Variants in BCAR3 observed in about 807,000 individuals in gnomAD.
The protein encoded by BCAR3 is breast cancer anti-estrogen resistance protein 3.
Under a neutral mutation model 80.1 loss-of-function variants are expected in BCAR3, and 37 were observed. The observed-to-expected ratio is 0.46, with a 90% CI of 0.36 to 0.61. BCAR3 has a LOEUF of 0.61. BCAR3 is among the 20% of genes least tolerant of loss of function. The pLI is 0.00. For synonymous variants in BCAR3, 389 were observed against 418.9 expected (o/e 0.93, Z 0.87); for missense variants, 978 against 1,068.2 (o/e 0.92, Z 1.18).
At chr1:93,772,107 T>A (rs1652375653) in intron 2 of BCAR3, among the ~76,000 whole-genome samples, 2 of 152,146 alleles carry the variant, frequency 1.3e-5, no homozygotes, top group African/African-American at 4.8e-5. Context: ...GGGTCATGGA[T>A]CAGTGGAGTA....
chr1:93,728,376 G>A (rs1650666333), intron 2 of BCAR3, among the ~76,000 whole-genome samples: 1 of 152,212 alleles, frequency 6.6e-6, no homozygotes, highest in South Asian at 2.1e-4. Context: ...GCCCCAGTGG[G>A]CGTGTGTTAC....
intron 9 of BCAR3, among the ~76,000 whole-genome samples, chr1:93,568,690 A>G (rs1673075126): frequency 6.6e-6 from 1 of 152,214 alleles, no homozygotes; most frequent in African/African-American, 2.4e-5. Context: ...ATTATATACT[A>G]CATAAACCAC....
chr1:93,733,188 C>A (rs1428706076), intron 2 of BCAR3, among the ~76,000 whole-genome samples: 1 of 152,080 alleles, frequency 6.6e-6, no homozygotes, highest in Non-Finnish European at 1.5e-5. Context: ...AATATTCTAG[C>A]CCCTCCCCAC....
At chr1:93,776,325 T>C (rs1431533538) in intron 2 of BCAR3, among the ~76,000 whole-genome samples, 1 of 152,176 alleles carries the variant, frequency 6.6e-6, no homozygotes, top group Non-Finnish European at 1.5e-5. Context: ...TTAACTTGGC[T>C]AACTTTGTTT....
At chr1:93,751,613 C>T (rs1179509849) in intron 2 of BCAR3, among the ~76,000 whole-genome samples, 5 of 152,168 alleles carry the variant, frequency 3.3e-5, no homozygotes, top group African/African-American at 1.2e-4. Context: ...TAGTTTTCTT[C>T]TAAACTGCAG....
At chr1:93,703,022 G>A (rs952707815) in intron 3 of BCAR3, among the ~76,000 whole-genome samples, 7 of 152,256 alleles carry the variant, frequency 4.6e-5, no homozygotes, top group Admixed American at 6.5e-5. Flanking sequence ...TGGCCACCGC[G>A]GCCTGTGCTA....
At chr1:93,645,629 A>T (rs1676128888) in intron 2 of BCAR3, among the ~76,000 whole-genome samples, 1 of 147,222 alleles carries the variant, frequency 6.8e-6, no homozygotes, top group Non-Finnish European at 1.5e-5. Flanking sequence ...AAGTAAAGCT[A>T]CAGGATCTTT....
chr1:93,657,600 C>G (rs576330147), intron 2 of BCAR3, among the ~76,000 whole-genome samples: 169 of 151,878 alleles, frequency 1.1e-3, no homozygotes, highest in Non-Finnish European at 2.0e-3. Flanking sequence ...CAGGCATATA[C>G]AGTTTAACAT....
intron 2 of BCAR3, among the ~76,000 whole-genome samples, chr1:93,649,608 T>C (rs1290368557): frequency 6.6e-6 from 1 of 151,550 alleles, no homozygotes; most frequent in Non-Finnish European, 1.5e-5. Context: ...CAAATAAATC[T>C]GGTAAAAACA....
chr1:93,772,338 A>C (rs1225512872), intron 2 of BCAR3, among the ~76,000 whole-genome samples: 1 of 152,196 alleles, frequency 6.6e-6, no homozygotes, highest in Non-Finnish European at 1.5e-5. Flanking sequence ...ACCAGGGCAC[A>C]GTAAAGCAGG....
At chr1:93,847,438 C>G (rs1210581305), upstream of BCAR3, 1 of 152,388 alleles carries the variant, frequency 6.6e-6, no homozygotes, top group Non-Finnish European at 1.5e-5. Context: ...CTGCGGCTGG[C>G]GTTTGAGGCG....
chr1:93,836,558 G>A (rs1044470739), intron 2 of BCAR3, among the ~76,000 whole-genome samples: 11 of 151,888 alleles, frequency 7.2e-5, no homozygotes, highest in East Asian at 3.9e-4. Context: ...CCCTAATCCC[G>A]CTTGAAGCAG....
rs1440196338 is a variant in BCAR3, at chr1:93,613,958, A to G, written c.358-21565T>C. 7.1e-6 allele frequency: 11 copies of G among 1,550,002 alleles called. No individual in the cohort carries two copies. In the South Asian group the frequency reaches 1.3e-4, roughly 18 times the overall value. On this transcript the variant is annotated intron_variant, in intron 3 of 11. Transcript: ENST00000260502. ...TTCGGTCTTCAGTCCCGGGGACCAC[A>G]CACTTTCTTTAGGGTTAAAAGAAAG... is the stretch of plus-strand genomic sequence containing the variant.
intron 3 of BCAR3, among the ~76,000 whole-genome samples, chr1:93,617,236 C>T (rs1366940936): frequency 6.6e-6 from 1 of 152,346 alleles, no homozygotes; most frequent in East Asian, 1.9e-4. Context: ...GCACCACGGT[C>T]CCTGCTAGAA....
At chr1:93,621,594 G>A (rs1254406018) in intron 3 of BCAR3, among the ~76,000 whole-genome samples, 1 of 152,144 alleles carries the variant, frequency 6.6e-6, no homozygotes, top group African/African-American at 2.4e-5. Flanking sequence ...TAAGAGGAGG[G>A]GATAGATAGC....
At chr1:93,623,888 AC>A (rs1283059793) in intron 3 of BCAR3, among the ~76,000 whole-genome samples, 8 of 152,358 alleles carry the variant, frequency 5.3e-5, no homozygotes, top group African/African-American at 1.9e-4. Flanking sequence ...TTACATGAAA[AC>A]ATGCATATTA....
At chr1:93,675,925 C>CCA (rs1219662566) in intron 1 of BCAR3, among the ~76,000 whole-genome samples, 5 of 51,442 alleles carry the variant, frequency 9.7e-5, no homozygotes, top group African/African-American at 2.6e-4. Flanking sequence ...AAATAGGAGA[C>CCA]AAAAAAAAAA....
chr1:93,760,972 C>G (rs987832825), intron 2 of BCAR3, among the ~76,000 whole-genome samples: 3 of 152,082 alleles, frequency 2.0e-5, no homozygotes, highest in African/African-American at 7.2e-5. Context: ...ACAGTGGGAA[C>G]TAAAAGGAAA....
intron 2 of BCAR3, among the ~76,000 whole-genome samples, chr1:93,653,447 A>T (rs1454015328): frequency 6.6e-6 from 1 of 152,020 alleles, no homozygotes; most frequent in Non-Finnish European, 1.5e-5. Context: ...ATTTTTTTAT[A>T]TATGCTCTTT....
Sources: gnomAD v4.1 joint callset for allele counts (sites outside exome capture counted in the v4.1 genomes callset) on GRCh38, gnomAD v4.1.1 for gene constraint, MANE v1.5 for transcripts, NCBI Gene and HGNC (gene_info 2026-07-23, HGNC 2026-07-21) for gene names.